LCOR: variants seen among roughly 807,000 people sequenced by gnomAD.
LCOR encodes the protein ligand-dependent corepressor.
Under a neutral mutation model 64.4 loss-of-function variants are expected in LCOR, and 14 were observed. That is an observed-to-expected ratio of 0.22 (90% CI 0.14 to 0.34). LCOR has a LOEUF of 0.34. LCOR is among the 10% of genes least tolerant of loss of function. The pLI is 1.00. For missense variants in LCOR, 1,686 were observed against 1,765.3 expected (o/e 0.96, Z 0.80); for synonymous variants, 643 against 642.5 (o/e 1.00, Z -0.01).
chr10:96,908,997 GAGCC>G, intron 4 of LCOR, among the ~76,000 whole-genome samples: 1 of 152,102 alleles, frequency 6.6e-6, no homozygotes, highest in East Asian at 1.9e-4. Context: ...TTACAGGCGT[GAGCC>G]ACCGCGCCCG....
intron 7 of LCOR, chr10:96,957,068 G>C: frequency 3.0e-6 from 3 of 985,124 alleles, no homozygotes; most frequent in Non-Finnish European, 3.6e-6. Flanking sequence ...GATTTAGGAT[G>C]CATATCAGTT....
In LCOR at chr10:96,982,410, C is replaced by A. The variant is rs1848099120; in HGVS notation, c.1950C>A (p.Asn650Lys). 66 of 1,614,130 alleles carry A rather than the reference C, an allele frequency of 4.1e-5. No homozygotes were observed. The highest frequency in any genetic ancestry group is 5.6e-5 in the Non-Finnish European group (66 of 1,180,038). ...TASGMSSPEH[N>K]QPPVALLDTE... ...GTGGGATGTCTTCTCCTGAACACAA[C>A]CAACCACCAGTTGCACTGTTGGATA... Residue 650 changes from asparagine (N) to lysine (K), a missense_variant, in exon 8 of 8, where the codon AAC becomes AAA. Coordinates refer to ENST00000421806, the MANE Select transcript of LCOR (RefSeq NM_001346516.2).
chr10:96,945,915 A>G (rs1250516103), intron 5 of LCOR, among the ~76,000 whole-genome samples: 3 of 151,884 alleles, frequency 2.0e-5, no homozygotes, highest in Admixed American at 6.6e-5. Context: ...AAGTTTTTAT[A>G]AAGTTTTTCT....
Position 96,992,218 on chromosome 10 carries a change from T to C in LCOR, c.*7084T>C, listed in dbSNP as rs2134574158. ...AAATAGTTCTCGGAGACTGTGTTAG[T>C]AACTGGTTTCAAATACATATATATA... is the stretch of plus-strand genomic sequence containing the variant. On this transcript the variant is annotated 3_prime_UTR_variant, in exon 8 of 8. Coordinates refer to ENST00000421806, the MANE Select transcript of LCOR (RefSeq NM_001346516.2). The C allele has an allele frequency of 6.6e-6, 1 of 152,336 alleles. No homozygotes were observed. The highest frequency in any genetic ancestry group is 3.4e-3 in the Middle Eastern group (1 of 294). The allele number at this position is 152,336 out of a possible 1,614,324, so 9.4% of individuals were successfully genotyped here.
chr10:96,846,153 G>A (rs1207410056), intron 2 of LCOR, among the ~76,000 whole-genome samples: 1 of 152,106 alleles, frequency 6.6e-6, no homozygotes, highest in Non-Finnish European at 1.5e-5. Context: ...GTTGCAGTGA[G>A]CCGAGATTGC....
chr10:96,956,550 T>G (rs1847786978), intron 7 of LCOR: 1 of 985,496 alleles, frequency 1.0e-6, no homozygotes, highest in African/African-American at 1.7e-5. Flanking sequence ...TTTATTTAAA[T>G]TAGCAAGCTA....
intron 7 of LCOR, among the ~76,000 whole-genome samples, chr10:96,976,175 A>G (rs535761052): frequency 6.6e-6 from 1 of 152,290 alleles, no homozygotes; most frequent in South Asian, 2.1e-4. Flanking sequence ...TTATGAGGAA[A>G]ACATACAAAT....
chr10:96,868,262 TC>T, intron 2 of LCOR, among the ~76,000 whole-genome samples: 1 of 149,250 alleles, frequency 6.7e-6, no homozygotes. Context: ...ATTACTTTTT[TC>T]TTTTCTTTTC....
intron 2 of LCOR, among the ~76,000 whole-genome samples, chr10:96,891,252 G>A (rs1408776759): frequency 6.6e-5 from 10 of 151,742 alleles, no homozygotes; most frequent in African/African-American, 2.4e-4. Context: ...AGTTTCTAGA[G>A]GTTTATCCAT....
At chr10:96,978,651 C>T (rs1037812778) in intron 7 of LCOR, among the ~76,000 whole-genome samples, 2 of 152,168 alleles carry the variant, frequency 1.3e-5, no homozygotes, top group East Asian at 1.9e-4. Context: ...ATGGCACTAC[C>T]GACTAAAACT....
intron 2 of LCOR, among the ~76,000 whole-genome samples, chr10:96,839,117 A>G (rs1845495259): frequency 6.6e-6 from 1 of 152,186 alleles, no homozygotes; most frequent in Non-Finnish European, 1.5e-5. Context: ...TTTTCCTAAC[A>G]GTGTGTTAAG....
chr10:96,901,598 T>G (rs1249252185), intron 2 of LCOR, among the ~76,000 whole-genome samples: 1 of 152,222 alleles, frequency 6.6e-6, no homozygotes, highest in Admixed American at 6.5e-5. Context: ...CTTCTAAATT[T>G]TTAAAACGTT....
At chr10:96,952,742 T>C (rs544561966) in intron 7 of LCOR, among the ~76,000 whole-genome samples, 1 of 152,208 alleles carries the variant, frequency 6.6e-6, no homozygotes, top group Non-Finnish European at 1.5e-5. Context: ...TTGATAACTC[T>C]TAGGAGTCTA....
At position 96,984,978 on chromosome 10, in the gene LCOR, G is replaced by T. The variant is rs756573129; in HGVS notation, c.4518G>T (p.Arg1506Ser). 3 of 1,614,048 alleles carry T rather than the reference G, an allele frequency of 1.9e-6. No individual in the cohort carries two copies. Among genetic ancestry groups the T allele is most frequent in the East Asian group, 2.2e-5 (1 of 44,886 alleles). ...KQKGAGESSSRPQKATNRKQS... is the reference protein window; with the variant it reads ...KQKGAGESSSSPQKATNRKQS... Reference sequence around the variant, plus strand: ...AGGGGGCCGGTGAATCCTCTTCAAGGCCTCAGAAAGCCACGAATAGGAAGC... The same window carrying T: ...AGGGGGCCGGTGAATCCTCTTCAAGTCCTCAGAAAGCCACGAATAGGAAGC... The change falls in exon 8 of 8, where the codon AGG becomes AGT. Residue 1506 changes from arginine (R) to serine (S), a missense_variant. Around this residue, in one of 3 missense-constraint regions of LCOR, gnomAD observed 1,293 missense variants for 1,410.4 expected, o/e 0.92. Transcript: ENST00000421806.
intron 7 of LCOR, among the ~76,000 whole-genome samples, chr10:96,953,465 C>T (rs1358329202): frequency 6.6e-6 from 1 of 152,094 alleles, no homozygotes; most frequent in African/African-American, 2.4e-5. Context: ...GTGGGACGAT[C>T]GCTTGAGCCC....
intron 4 of LCOR, among the ~76,000 whole-genome samples, chr10:96,927,037 G>C (rs1847180567): frequency 6.6e-6 from 1 of 152,000 alleles, no homozygotes; most frequent in South Asian, 2.1e-4. Context: ...TCAATACCTA[G>C]AGTTGGAATT....
At chr10:96,866,644 G>A (rs1408558216) in intron 2 of LCOR, among the ~76,000 whole-genome samples, 2 of 152,130 alleles carry the variant, frequency 1.3e-5, no homozygotes, top group African/African-American at 2.4e-5. Flanking sequence ...GCAATGGCCC[G>A]ATTTCGGCTC....
Position 96,991,822 on chromosome 10 carries a change from G to T in LCOR, c.*6688G>T, listed in dbSNP as rs1676047551. The T allele has an allele frequency of 6.6e-6, 1 of 152,188 alleles. No homozygotes were observed. Among genetic ancestry groups the T allele is most frequent in the African/African-American group, 2.4e-5 (1 of 41,426 alleles). 9.4% of individuals were successfully genotyped at this position (152,188 alleles called of 1,614,324 possible). A position where few individuals can be genotyped will look rare whatever the true frequency, so the allele number is the denominator to read the frequency against. On this transcript the variant is annotated 3_prime_UTR_variant, in exon 8 of 8. Coordinates refer to ENST00000421806, the MANE Select transcript of LCOR (RefSeq NM_001346516.2). Reference sequence around the variant, plus strand: ...CCTTGCCCTCCCTCCTCCTGCCTCTGCTTATGCCGCCAGCCCCCTTCCAGG... The same window carrying T: ...CCTTGCCCTCCCTCCTCCTGCCTCTTCTTATGCCGCCAGCCCCCTTCCAGG...
chr10:96,964,034 A>AT (rs1387222975), intron 7 of LCOR: 1 of 152,090 alleles, frequency 6.6e-6, no homozygotes, highest in African/African-American at 2.4e-5. Context: ...TTATTTACAG[A>AT]TTTTTTTGTA....
Sources: allele counts gnomAD v4.1 joint callset (sites outside exome capture counted in the v4.1 genomes callset), GRCh38; gene constraint gnomAD v4.1.1; regional missense constraint gnomAD v4.1.1; transcripts MANE v1.5; gene names NCBI Gene and HGNC (gene_info 2026-07-23, HGNC 2026-07-21).